The following CNTLN variants were observed in gnomAD, a reference collection of about 807,000 sequenced individuals.
The protein encoded by CNTLN is centlein, also known as centlein, centrosomal protein.
CNTLN carries 212 observed loss-of-function variants against 180.0 expected under a neutral mutation model. That is an observed-to-expected ratio of 1.18 (90% confidence interval 1.05 to 1.32). CNTLN has a LOEUF of 1.32. Ranked by LOEUF, CNTLN falls within the 40% of genes most tolerant of loss-of-function variation. The pLI, the probability that CNTLN is intolerant of heterozygous loss-of-function variation, is 0.00. For synonymous variants in CNTLN, 722 were observed against 563.1 expected (o/e 1.28, Z -3.99); for missense variants, 2,095 against 1,610.9 (o/e 1.30, Z -5.14).
At chr9:17,176,236 T>A (rs539980146) in intron 2 of CNTLN, among the ~76,000 whole-genome samples, 1 of 150,050 alleles carries the variant, frequency 6.7e-6, no homozygotes, top group African/African-American at 2.5e-5. Context: ...TTTTTGTAAA[T>A]TTTTTTTTTA....
chr9:17,252,530 A>G (rs1826207479), intron 5 of CNTLN, among the ~76,000 whole-genome samples: 1 of 151,630 alleles, frequency 6.6e-6, no homozygotes, highest in African/African-American at 2.4e-5. Flanking sequence ...CCTGTTGGCC[A>G]TGTGTATATC....
intron 2 of CNTLN, among the ~76,000 whole-genome samples, chr9:17,202,646 G>GTTTTTTTTTTTTTTTTTTTTT (rs57960408): frequency 7.0e-5 from 5 of 71,476 alleles, no homozygotes; most frequent in Non-Finnish European, 1.1e-4. Flanking sequence ...TGCAACCTCT[G>GTTTTTTTTTTTTTTTTTTTTT]TTTTTTTTTT....
At chr9:17,475,870 CTCA>C (rs1223079788) in intron 23 of CNTLN, among the ~76,000 whole-genome samples, 9 of 44,234 alleles carry the variant, frequency 2.0e-4, no homozygotes, top group African/African-American at 2.7e-4. Flanking sequence ...AAGACTCTCT[CTCA>C]AAAAAAAAAA....
chr9:17,444,011 TAAG>T (rs1373381323), intron 18 of CNTLN, among the ~76,000 whole-genome samples: 1 of 152,208 alleles, frequency 6.6e-6, no homozygotes, highest in East Asian at 1.9e-4. Flanking sequence ...TGGACTTTAC[TAAG>T]AAGACTGTAT....
chr9:17,335,385 T>C (rs140409512), intron 10 of CNTLN, among the ~76,000 whole-genome samples: 2 of 152,186 alleles, frequency 1.3e-5, no homozygotes, highest in African/African-American at 4.8e-5. Context: ...GGTGTGGTGG[T>C]GCATGCCTCT....
At chr9:17,374,716 G>T (rs1231257965) in intron 13 of CNTLN, among the ~76,000 whole-genome samples, 1 of 151,958 alleles carries the variant, frequency 6.6e-6, no homozygotes, top group African/African-American at 2.4e-5. Context: ...AAAATGAGAG[G>T]GGTGTGGTGG....
chr9:17,294,098 T>C (rs545550831), intron 6 of CNTLN, among the ~76,000 whole-genome samples: 1 of 152,308 alleles, frequency 6.6e-6, no homozygotes, highest in Non-Finnish European at 1.5e-5. Context: ...GGTGGATTCG[T>C]GGTCTCGCTG....
intron 16 of CNTLN, among the ~76,000 whole-genome samples, chr9:17,412,536 C>G (rs1480576298): frequency 6.6e-6 from 1 of 152,050 alleles, no homozygotes; most frequent in Admixed American, 6.6e-5. Flanking sequence ...AGTACCCATA[C>G]AATGGTTTTT....
intron 6 of CNTLN, among the ~76,000 whole-genome samples, chr9:17,278,125 CT>C (rs1391723240): frequency 1.3e-5 from 2 of 152,044 alleles, no homozygotes; most frequent in African/African-American, 4.8e-5. Context: ...ATCCGGACCT[CT>C]TTCTCCTTTA....
At chr9:17,163,714 A>T (rs1202705401) in intron 2 of CNTLN, among the ~76,000 whole-genome samples, 1 of 152,174 alleles carries the variant, frequency 6.6e-6, no homozygotes, top group Non-Finnish European at 1.5e-5. Flanking sequence ...AAGAATAAAT[A>T]AGTGTATTTG....
At chr9:17,137,010 C>CT (rs1212316414) in intron 1 of CNTLN, among the ~76,000 whole-genome samples, 1 of 152,170 alleles carries the variant, frequency 6.6e-6, no homozygotes, top group Non-Finnish European at 1.5e-5. Context: ...AGCTAAGATA[C>CT]TTTTTTATGA....
In CNTLN at chr9:17,360,064, T is replaced by C. The variant is rs557456151; in HGVS notation, c.1887-6553T>C. Among the ~76,000 whole-genome samples, 10 of 152,288 alleles carry C rather than the reference T, an allele frequency of 6.6e-5. 1 individual carries two copies. Among genetic ancestry groups the C allele is most frequent in the African/African-American group, 2.4e-4 (10 of 41,560 alleles). On this transcript the variant is annotated intron_variant, in intron 12 of 25. Transcript: ENST00000380647. ...ATTTCTTTTTTTCCAATTTAAGTAT[T>C]GTATGTTGCAATATAGATATCCATC...
At chr9:17,350,938 G>A (rs919412779) in intron 12 of CNTLN, among the ~76,000 whole-genome samples, 2 of 152,104 alleles carry the variant, frequency 1.3e-5, no homozygotes, top group African/African-American at 4.8e-5. Context: ...TTGAGAGGAC[G>A]TAATTAAGTT....
At chr9:17,141,459 G>C (rs541644953) in intron 1 of CNTLN, among the ~76,000 whole-genome samples, 2 of 152,268 alleles carry the variant, frequency 1.3e-5, no homozygotes, top group African/African-American at 4.8e-5. Context: ...ATTGGCCCTG[G>C]TTCAAGTAGA....
At chr9:17,377,577 C>G (rs1824879668) in intron 13 of CNTLN, among the ~76,000 whole-genome samples, 1 of 152,030 alleles carries the variant, frequency 6.6e-6, no homozygotes, top group Admixed American at 6.6e-5. Context: ...AAACAAAAAA[C>G]AAAAAACAAG....
intron 8 of CNTLN, among the ~76,000 whole-genome samples, chr9:17,320,391 TTTC>T (rs974713786): frequency 6.7e-5 from 3 of 44,888 alleles, no homozygotes; most frequent in African/African-American, 1.2e-4. Flanking sequence ...TGATTCCATC[TTTC>T]TTTTTTTTTC....
rs1030423845 is a variant in CNTLN at position 17,502,705 on chromosome 9, T to C, written c.*53T>C. ...TGTGAAAACTTTTTATGTGGTGTGATTGGAATACATGCATTGCAATCCTGA... is the reference window on the plus strand; with the variant it reads ...TGTGAAAACTTTTTATGTGGTGTGACTGGAATACATGCATTGCAATCCTGA... On this transcript the variant is annotated 3_prime_UTR_variant, in exon 26 of 26. Coordinates refer to ENST00000380647, the MANE Select transcript of CNTLN (RefSeq NM_017738.4). 2 of 638,694 alleles carry C rather than the reference T, an allele frequency of 3.1e-6. No homozygotes were observed. Among genetic ancestry groups the C allele is most frequent in the Non-Finnish European group, 5.2e-6 (2 of 383,900 alleles). The allele number at this position is 638,694 out of a possible 1,614,324, so 39.6% of individuals were successfully genotyped here.
intron 12 of CNTLN, among the ~76,000 whole-genome samples, chr9:17,357,809 G>A (rs902813784): frequency 1.8e-4 from 28 of 151,362 alleles, no homozygotes; most frequent in African/African-American, 6.0e-4. Flanking sequence ...TGTTGGGTTT[G>A]AACATCTGAA....
intron 8 of CNTLN, among the ~76,000 whole-genome samples, chr9:17,329,157 G>C (rs541849977): frequency 7.2e-5 from 11 of 151,950 alleles, no homozygotes; most frequent in African/African-American, 1.7e-4. Context: ...GTTTTTGTTT[G>C]ACCTTAAACA....
Sources: gnomAD v4.1 joint callset for allele counts (sites outside exome capture counted in the v4.1 genomes callset) on GRCh38, gnomAD v4.1.1 for gene constraint, MANE v1.5 for transcripts, NCBI Gene and HGNC (gene_info 2026-07-23, HGNC 2026-07-21) for gene names.